The following MTG2 variants were observed in gnomAD, a reference collection of about 807,000 sequenced individuals.
MTG2 encodes mitochondrial ribosome-associated GTPase 2.
A neutral mutation model predicts 28.6 loss-of-function variants in MTG2; 23 were observed. The ratio of observed to expected loss-of-function variants is 0.80; its 90% CI spans 0.58 to 1.14. The LOEUF (loss-of-function observed/expected upper bound fraction) is 1.14, where lower values mean the gene tolerates loss of function less well. Ranked by LOEUF, MTG2 falls within the 50% of genes most tolerant of loss-of-function variation. The pLI is 0.00. For synonymous variants in MTG2, 260 were observed against 251.8 expected, an observed-to-expected ratio of 1.03 and a Z score of -0.31; for missense variants, 539 against 552.0, an observed-to-expected ratio of 0.98 and a Z score of 0.24.
At chr20:62,192,106 C>T (rs1382209109) in intron 1 of MTG2, among the ~76,000 whole-genome samples, 3 of 152,258 alleles carry the variant, frequency 2.0e-5, no homozygotes, top group African/African-American at 7.2e-5. Flanking sequence ...TCAGTTCAGT[C>T]TGACCCTGCC....
chr20:62,195,970 C>T, intron 3 of MTG2, 21 bp downstream of exon 3: 1 of 1,612,920 alleles, frequency 6.2e-7, no homozygotes, highest in Non-Finnish European at 8.5e-7. Flanking sequence ...TGGGGCAGTG[C>T]AGCGGGGTTG....
At chr20:62,200,636 C>T (rs747794273) in intron 6 of MTG2, 47 bp from the exon 7 acceptor site, 4 of 1,535,856 alleles carry the variant, frequency 2.6e-6, no homozygotes, top group Non-Finnish European at 2.6e-6. Flanking sequence ...CTCTTGGGTG[C>T]TGGGTGTGCC....
At chr20:62,197,310 T>C (rs1317276088) in intron 3 of MTG2, 1 of 152,204 alleles carries the variant, frequency 6.6e-6, no homozygotes, top group Non-Finnish European at 1.5e-5. Flanking sequence ...GGCACGAGAA[T>C]TGCTTGAGCC....
intron 4 of MTG2, chr20:62,198,332 AT>A (rs2058097253): frequency 1.9e-6 from 1 of 534,672 alleles, no homozygotes; most frequent in Non-Finnish European, 3.4e-6. Flanking sequence ...CGCGAGCTGA[AT>A]TCACTCGTCT....
intron 1 of MTG2, among the ~76,000 whole-genome samples, chr20:62,185,315 G>A (rs1243087421): frequency 6.6e-6 from 1 of 152,148 alleles, no homozygotes; most frequent in Admixed American, 6.5e-5. Flanking sequence ...GGGAGGTTGA[G>A]GCAGGAGAAT....
intron 2 of MTG2, among the ~76,000 whole-genome samples, chr20:62,194,502 A>G (rs1019582668): frequency 3.9e-5 from 6 of 152,264 alleles, no homozygotes; most frequent in Non-Finnish European, 5.9e-5. Context: ...AGCATTACAC[A>G]TTGAAATTTG....
At chr20:62,193,817 C>T in intron 2 of MTG2, 193 bp downstream of exon 2, 1 of 609,862 alleles carries the variant, frequency 1.6e-6, no homozygotes, top group Non-Finnish European at 2.8e-6. Context: ...CAGCAAATCC[C>T]AGCAGGCTGG....
Position 62,201,032 on chromosome 20 carries a change from C to T in MTG2, c.1176C>T (p.Tyr392=), listed in dbSNP as rs118176146. The part of the protein sequence containing the change: ...LLHLKVLYDA[Y]AEAELGQGRQ... ...ACCTGAAGGTGCTGTATGACGCCTA[C>T]GCGGAGGCCGAGCTGGGCCAGGGCC... The change falls in exon 7 of 7, where the codon TAC becomes TAT. Residue 392 remains tyrosine (Y), a synonymous_variant. Coordinates refer to ENST00000370823, the MANE Select transcript of MTG2 (RefSeq NM_015666.4). 1,972 of 1,608,462 alleles carry T rather than the reference C, an allele frequency of 1.2e-3. 7 individuals carry two copies. The highest frequency in any genetic ancestry group is 1.5e-3 in the Non-Finnish European group (1,801 of 1,178,718).
rs1268834953 is a variant in MTG2, at chr20:62,203,408, A to T, written c.*2331A>T. On this transcript the variant is annotated 3_prime_UTR_variant, in exon 7 of 7. Coordinates refer to ENST00000370823, the MANE Select transcript of MTG2 (RefSeq NM_015666.4). ...CACAGCTTTTGCCATCGCGTTCTAA[A>T]AGCTGACAGCTTTCTCTCCAACACT... The T allele has an allele frequency of 6.6e-6, 1 of 152,176 alleles. No homozygotes were observed. Among genetic ancestry groups the T allele is most frequent in the East Asian group, 1.9e-4 (1 of 5,194 alleles). The allele number at this position is 152,176 out of a possible 1,614,324, so 9.4% of individuals were successfully genotyped here. A position where few individuals can be genotyped will look rare whatever the true frequency, so the allele number is the denominator to read the frequency against.
At chr20:62,189,857 G>A (rs567768208) in intron 1 of MTG2, among the ~76,000 whole-genome samples, 7 of 152,136 alleles carry the variant, frequency 4.6e-5, no homozygotes, top group African/African-American at 1.7e-4. Context: ...TAGAGACGGG[G>A]TTTCACCACG....
chr20:62,198,995 T>A (rs746995556), intron 5 of MTG2, 124 bp from the exon 6 acceptor site: 47 of 1,544,370 alleles, frequency 3.0e-5, no homozygotes, highest in Non-Finnish European at 4.2e-5. Context: ...GACTTGGTCG[T>A]GAGCATGAGC....
At chr20:62,190,086 T>C (rs1005202393) in intron 1 of MTG2, among the ~76,000 whole-genome samples, 34 of 152,220 alleles carry the variant, frequency 2.2e-4, no homozygotes, top group Non-Finnish European at 5.9e-5. Flanking sequence ...GTTGGGCTAG[T>C]TCTGAGCATT....
At chr20:62,200,156 G>A (rs567094318) in intron 6 of MTG2, 1 of 152,542 alleles carries the variant, frequency 6.6e-6, no homozygotes, top group African/African-American at 2.4e-5. Flanking sequence ...CCTCTCATCT[G>A]TGGAAGCTCA....
intron 6 of MTG2, 171 bp downstream of exon 6, chr20:62,199,428 G>A (rs34358533): frequency 0.023 from 16,242 of 703,804 alleles, 247 homozygotes; most frequent in Non-Finnish European, 0.028. Context: ...GGCGGATCAC[G>A]AGGTCAGGAG....
chr20:62,185,737 C>T (rs2057830339), intron 1 of MTG2, among the ~76,000 whole-genome samples: 1 of 152,174 alleles, frequency 6.6e-6, no homozygotes, highest in South Asian at 2.1e-4. Flanking sequence ...TTAGATGTTA[C>T]CTCAGGGACT....
intron 4 of MTG2, chr20:62,198,360 G>A (rs961892889): frequency 5.4e-6 from 3 of 557,414 alleles, no homozygotes; most frequent in Non-Finnish European, 9.6e-6. Flanking sequence ...TGTTTTTTCT[G>A]GTGCTTCAGT....
intron 2 of MTG2, among the ~76,000 whole-genome samples, chr20:62,195,567 C>G (rs190444963): frequency 2.8e-4 from 42 of 152,278 alleles, no homozygotes; most frequent in African/African-American, 9.9e-4. Context: ...AAGTGTAGGT[C>G]CACACAGAAT....
intron 1 of MTG2, among the ~76,000 whole-genome samples, chr20:62,191,481 A>G (rs756161906): frequency 1.3e-5 from 2 of 152,202 alleles, no homozygotes; most frequent in Non-Finnish European, 2.9e-5. Flanking sequence ...CTCTTCTTCC[A>G]GCTTTTCTGT....
rs774733659 is a variant in MTG2 at position 62,200,885 on chromosome 20, C to T, written c.1029C>T (p.Val343=). The T allele has an allele frequency of 1.7e-5, 28 of 1,613,904 alleles. No individual in the cohort carries two copies. The highest frequency in any genetic ancestry group is 1.3e-4 in the East Asian group (6 of 44,898). ...KGLSARPHAI[V]ANKIDLPEAQ... Reference sequence around the variant, plus strand: ...TGTCTGCGAGGCCCCACGCAATCGTCGCAAACAAGATTGACCTCCCTGAAG... The same window carrying T: ...TGTCTGCGAGGCCCCACGCAATCGTTGCAAACAAGATTGACCTCCCTGAAG... The change falls in exon 7 of 7, where the codon GTC becomes GTT. Residue 343 remains valine (V), a synonymous_variant. Transcript: ENST00000370823.
Sources: allele counts gnomAD v4.1 joint callset (sites outside exome capture counted in the v4.1 genomes callset), GRCh38; gene constraint gnomAD v4.1.1; transcripts MANE v1.5; gene names NCBI Gene and HGNC (gene_info 2026-07-23, HGNC 2026-07-21).